Variants in TMEM108 observed in about 807,000 individuals in gnomAD.
The protein encoded by TMEM108 is transmembrane protein 108, also known as cancer/testis antigen 124.
A neutral mutation model predicts 35.1 loss-of-function variants in TMEM108; 12 were observed. That is an observed-to-expected ratio of 0.34 (90% confidence interval 0.22 to 0.55). TMEM108 has a LOEUF of 0.55. TMEM108 is among the 20% of genes least tolerant of loss of function. TMEM108 has a pLI of 0.89. For synonymous variants in TMEM108, 287 were observed against 308.6 expected (o/e 0.93, Z 0.73); for missense variants, 680 against 753.3 (o/e 0.90, Z 1.14).
chr3:133,379,974 C>T lies in TMEM108; in HGVS notation c.263C>T (p.Ala88Val). The T allele has an allele frequency of 6.2e-7, 1 of 1,613,952 alleles. No homozygotes were observed. The highest frequency in any genetic ancestry group is 2.2e-5 in the East Asian group (1 of 44,846). ...CCCATGGCAACACCGACACCCCGTG[C>T]AGAGGGGCACCCTCCTACGCACACC... is the stretch of plus-strand genomic sequence containing the variant. ...AAPMATPTPR[A>V]EGHPPTHTIS... Residue 88 changes from alanine to valine, a missense_variant, in exon 4 of 6, where the codon GCA (alanine) becomes GTA (valine). Coordinates refer to ENST00000321871, the MANE Select transcript of TMEM108 (RefSeq NM_023943.4).
chr3:133,340,526 C>CA (rs779881532), intron 3 of TMEM108, among the ~76,000 whole-genome samples: 26 of 151,344 alleles, frequency 1.7e-4, no homozygotes, highest in Admixed American at 5.3e-4. Context: ...CAAACTATTT[C>CA]AAAAAATAGA....
chr3:133,263,113 T>C (rs1404844639), intron 3 of TMEM108, among the ~76,000 whole-genome samples: 2 of 152,150 alleles, frequency 1.3e-5, no homozygotes, highest in East Asian at 3.8e-4. Flanking sequence ...CCAGGTGAGG[T>C]AGAGACCATA....
chr3:133,351,677 T>TC (rs1407263969), intron 3 of TMEM108, among the ~76,000 whole-genome samples: 2 of 152,164 alleles, frequency 1.3e-5, no homozygotes, highest in Admixed American at 6.5e-5. Flanking sequence ...TCCTATATTA[T>TC]CACAGAAGTC....
chr3:133,233,545 G>A (rs62280359), intron 3 of TMEM108, among the ~76,000 whole-genome samples: 48,310 of 151,850 alleles, frequency 0.32, 8,458 homozygotes, highest in East Asian at 0.47. Flanking sequence ...AATCCTTTGG[G>A]TATATACCCA....
intron 2 of TMEM108, among the ~76,000 whole-genome samples, chr3:133,112,045 A>G (rs1944231262): frequency 1.3e-5 from 2 of 152,168 alleles, no homozygotes; most frequent in South Asian, 4.1e-4. Context: ...TATCCACATT[A>G]AGAGCAAGAC....
intron 3 of TMEM108, among the ~76,000 whole-genome samples, chr3:133,317,641 AGAGATGTTATATGGTGTGAAT>A (rs2071216051): frequency 1.3e-5 from 2 of 152,214 alleles, no homozygotes; most frequent in Admixed American, 1.3e-4. Flanking sequence ...CATCTTGGCT[AGAGATGTTATATGGTGTGAAT>A]GCCCCAAATA....
intron 3 of TMEM108, among the ~76,000 whole-genome samples, chr3:133,342,555 TAC>T (rs138335008): frequency 0.016 from 1,025 of 63,460 alleles, 175 homozygotes; most frequent in African/African-American, 0.05. Context: ...TATATATATA[TAC>T]ACACACACAC....
intron 2 of TMEM108, among the ~76,000 whole-genome samples, chr3:133,156,302 C>A (rs1259842990): frequency 6.6e-6 from 1 of 152,064 alleles, no homozygotes; most frequent in African/African-American, 2.4e-5. Flanking sequence ...ATGCAAGGAA[C>A]TATGTGACAA....
intron 3 of TMEM108, among the ~76,000 whole-genome samples, chr3:133,341,401 A>G (rs527642430): frequency 1.3e-5 from 2 of 152,008 alleles, no homozygotes; most frequent in African/African-American, 4.8e-5. Flanking sequence ...AGAGAACACC[A>G]AAAAATGGAA....
chr3:133,232,614 G>C (rs914809187), intron 3 of TMEM108, among the ~76,000 whole-genome samples: 1 of 152,210 alleles, frequency 6.6e-6, no homozygotes, highest in South Asian at 2.1e-4. Flanking sequence ...TTAGATCACT[G>C]AATCATAATC....
intron 3 of TMEM108, among the ~76,000 whole-genome samples, chr3:133,362,964 G>A (rs755245420): frequency 3.3e-5 from 5 of 152,142 alleles, no homozygotes; most frequent in African/African-American, 4.8e-5. Context: ...GGACCCAGCC[G>A]GGCCAGAGGG....
chr3:133,177,005 A>G (rs931009768), intron 2 of TMEM108, among the ~76,000 whole-genome samples: 4 of 152,256 alleles, frequency 2.6e-5, no homozygotes, highest in Non-Finnish European at 4.4e-5. Context: ...TCCCACAGAA[A>G]TACAAACTAC....
chr3:133,142,085 T>C (rs1051204775), intron 2 of TMEM108, among the ~76,000 whole-genome samples: 26 of 152,176 alleles, frequency 1.7e-4, no homozygotes, highest in Admixed American at 1.3e-4. Context: ...CAACCAAAAA[T>C]GTCTCCAGAC....
chr3:133,370,315 A>G (rs2072621643), intron 3 of TMEM108, among the ~76,000 whole-genome samples: 1 of 152,080 alleles, frequency 6.6e-6, no homozygotes, highest in African/African-American at 2.4e-5. Flanking sequence ...CAGCTATTTT[A>G]TAGACTATCC....
At chr3:133,084,967 G>T (rs1194311701) in intron 2 of TMEM108, among the ~76,000 whole-genome samples, 1 of 152,124 alleles carries the variant, frequency 6.6e-6, no homozygotes, top group African/African-American at 2.4e-5. Context: ...TTTGAGTGTG[G>T]TGTGTTTCAG....
intron 3 of TMEM108, among the ~76,000 whole-genome samples, chr3:133,369,351 C>T (rs1386511929): frequency 2.0e-5 from 3 of 152,118 alleles, no homozygotes; most frequent in South Asian, 2.1e-4. Flanking sequence ...AAATTGTGAA[C>T]GAGACTGGAC....
chr3:133,366,385 T>C (rs116535986), intron 3 of TMEM108, among the ~76,000 whole-genome samples: 118 of 152,340 alleles, frequency 7.7e-4, no homozygotes, highest in African/African-American at 2.6e-3. Context: ...TAAATGTTTG[T>C]TGAATATGTA....
At position 133,208,875 on chromosome 3, in the gene TMEM108, T is replaced by C. The variant is rs201984360; in HGVS notation, c.-46-20391T>C. ...GAATTTCCACCTCCTTCAGAAACCT[T>C]GTCTTCCTACTCTAGAAGATAACAA... On this transcript the variant is annotated intron_variant, in intron 2 of 5. Transcript: ENST00000321871. 2.1e-4 allele frequency among the ~76,000 whole-genome samples: 32 copies of C among 152,334 alleles called. No homozygotes were observed. The East Asian group carries it at 5.6e-3, about 27-fold the overall frequency.
intron 3 of TMEM108, among the ~76,000 whole-genome samples, chr3:133,293,781 A>G (rs1224703184): frequency 1.3e-5 from 2 of 151,978 alleles, no homozygotes; most frequent in Non-Finnish European, 1.5e-5. Flanking sequence ...TTTTTAACAT[A>G]TTGAAGATTC....
Sources: gnomAD v4.1 joint callset for allele counts (sites outside exome capture counted in the v4.1 genomes callset) on GRCh38, gnomAD v4.1.1 for gene constraint, MANE v1.5 for transcripts, NCBI Gene and HGNC (gene_info 2026-07-23, HGNC 2026-07-21) for gene names.